Variants in AFAP1L1 observed in about 807,000 individuals in gnomAD.
The protein encoded by AFAP1L1 is actin filament associated protein 1 like 1.
AFAP1L1 carries 77 observed loss-of-function variants against 99.8 expected under a neutral mutation model. The observed-to-expected ratio is 0.77, with a 90% CI of 0.64 to 0.93. The LOEUF (loss-of-function observed/expected upper bound fraction) is 0.93. Ranked by LOEUF, AFAP1L1 falls within the 40% of genes least tolerant of loss-of-function variation. The pLI is 0.00. For missense variants in AFAP1L1, 893 were observed against 996.8 expected (o/e 0.90, Z 1.40); for synonymous variants, 373 against 395.3 (o/e 0.94, Z 0.67).
At chr5:149,307,710 C>T (rs2127596159) in intron 7 of AFAP1L1, 97 bp downstream of exon 7, 1 of 1,281,888 alleles carries the variant, frequency 7.8e-7, no homozygotes, top group Non-Finnish European at 1.1e-6. Context: ...TTGGGCATAC[C>T]TGGATTGACT....
chr5:149,272,050 G>A (rs1755128826), intron 1 of AFAP1L1, 66 bp downstream of exon 1: 5 of 1,224,688 alleles, frequency 4.1e-6, no homozygotes, highest in Non-Finnish European at 5.1e-6. Context: ...TGGACGATCT[G>A]AAGCCGGAGA....
At chr5:149,301,001 T>G in intron 3 of AFAP1L1, 132 bp from the exon 4 acceptor site, 3 of 665,106 alleles carry the variant, frequency 4.5e-6, no homozygotes, top group Middle Eastern at 5.2e-4. Flanking sequence ...GTCATTTGTT[T>G]AGGGTTACTA....
At chr5:149,296,276 C>T (rs1055777242) in intron 1 of AFAP1L1, among the ~76,000 whole-genome samples, 3 of 152,224 alleles carry the variant, frequency 2.0e-5, no homozygotes, top group African/African-American at 4.8e-5. Flanking sequence ...TCAAGTGATT[C>T]GCCCACCTCA....
chr5:149,339,558 C>T (rs568018771), intron 18 of AFAP1L1, among the ~76,000 whole-genome samples: 19 of 152,206 alleles, frequency 1.2e-4, no homozygotes, highest in African/African-American at 3.9e-4. Flanking sequence ...ATGAGATAGT[C>T]GTCTTCTTTT....
intron 5 of AFAP1L1, among the ~76,000 whole-genome samples, chr5:149,305,546 G>A (rs1317792343): frequency 6.6e-6 from 1 of 152,074 alleles, no homozygotes; most frequent in Non-Finnish European, 1.5e-5. Context: ...TACAGCCCAG[G>A]GGTCTGCATT....
At chr5:149,314,995 G>C (rs1353096018) in intron 9 of AFAP1L1, among the ~76,000 whole-genome samples, 2 of 152,308 alleles carry the variant, frequency 1.3e-5, no homozygotes, top group Non-Finnish European at 2.9e-5. Context: ...GAAGTGGGTG[G>C]AATTCAAGTG....
At chr5:149,337,909 C>A (rs1757450175) in intron 18 of AFAP1L1, among the ~76,000 whole-genome samples, 1 of 152,028 alleles carries the variant, frequency 6.6e-6, no homozygotes, top group Admixed American at 6.6e-5. Flanking sequence ...AGCTTTCCAG[C>A]AAGAGGGGAC....
At position 149,332,749 on chromosome 5, in the gene AFAP1L1, G is replaced by A. The variant is rs369805051; in HGVS notation, c.2030G>A (p.Arg677Gln). 103 of 1,613,764 alleles carry A rather than the reference G, an allele frequency of 6.4e-5. No individual in the cohort carries two copies. Among genetic ancestry groups the A allele is most frequent in the Middle Eastern group, 5.1e-4 (3 of 5,830 alleles). ...GTGGCCACCCTGGAAGCTCAGTGTC[G>A]GGCAAAGGAGGAGCGCCGGATTGAC... ...EAVATLEAQCRAKEERRIDLE... is the reference protein window; with the variant it reads ...EAVATLEAQCQAKEERRIDLE... Residue 677 changes from arginine to glutamine, a missense_variant, in exon 17 of 19, where the codon CGG becomes CAG. Coordinates refer to ENST00000296721, the MANE Select transcript of AFAP1L1 (RefSeq NM_152406.4).
chr5:149,322,951 A>G (rs1207524361), intron 15 of AFAP1L1, among the ~76,000 whole-genome samples: 1 of 152,090 alleles, frequency 6.6e-6, no homozygotes, highest in Non-Finnish European at 1.5e-5. Flanking sequence ...TACTGTAGGA[A>G]ACCGGTACCC....
intron 15 of AFAP1L1, among the ~76,000 whole-genome samples, chr5:149,325,338 C>T (rs1444811277): frequency 2.0e-5 from 3 of 152,180 alleles, no homozygotes; most frequent in Non-Finnish European, 4.4e-5. Context: ...CCCCAGCTGC[C>T]AGTCAAGGGC....
intron 6 of AFAP1L1, 85 bp downstream of exon 6, chr5:149,306,489 G>A (rs1756418998): frequency 1.6e-6 from 2 of 1,252,758 alleles, no homozygotes; most frequent in Non-Finnish European, 2.2e-6. Context: ...TAGCATGGGT[G>A]TGCCCACCAG....
At position 149,306,421 on chromosome 5, in the gene AFAP1L1, C is replaced by T. The variant is rs774464815; in HGVS notation, c.535+17C>T. 59 of 1,596,274 alleles carry T rather than the reference C, an allele frequency of 3.7e-5. No individual in the cohort carries two copies. Among genetic ancestry groups the T allele is most frequent in the South Asian group, 9.0e-5 (8 of 88,896 alleles). ...AGAGCTCCTGTAAGTACCAGGTGGG[C>T]GTCCAGATGCTGGGCAGGGCTTCTG... On this transcript the variant is annotated intron_variant, in intron 6 of 18. Coordinates refer to ENST00000296721, the MANE Select transcript of AFAP1L1 (RefSeq NM_152406.4).
intron 1 of AFAP1L1, among the ~76,000 whole-genome samples, chr5:149,275,882 C>G (rs1048932055): frequency 1.3e-5 from 2 of 152,184 alleles, no homozygotes; most frequent in Non-Finnish European, 2.9e-5. Context: ...CCTTAATTAC[C>G]TCCATAAAGA....
chr5:149,308,472 T>C (rs997381732), intron 7 of AFAP1L1, among the ~76,000 whole-genome samples: 23 of 152,186 alleles, frequency 1.5e-4, no homozygotes, highest in African/African-American at 5.5e-4. Context: ...TTAAGAAGGA[T>C]TTTTTTATAT....
intron 3 of AFAP1L1, 98 bp downstream of exon 3, chr5:149,300,452 G>A (rs759067839): frequency 1.0e-4 from 110 of 1,049,154 alleles, no homozygotes; most frequent in South Asian, 1.8e-4. Flanking sequence ...CTCTAACATC[G>A]CATCATTAAG....
chr5:149,334,200 C>A (rs1048306352), intron 17 of AFAP1L1, among the ~76,000 whole-genome samples: 5 of 152,152 alleles, frequency 3.3e-5, no homozygotes, highest in African/African-American at 1.2e-4. Flanking sequence ...ATTTCCTGGT[C>A]ACACCACACC....
chr5:149,305,020 A>T (rs1344323358), intron 5 of AFAP1L1, among the ~76,000 whole-genome samples: 1 of 152,216 alleles, frequency 6.6e-6, no homozygotes, highest in Admixed American at 6.5e-5. Flanking sequence ...AGGCTCTGTC[A>T]CCAGCAAACT....
chr5:149,294,174 TC>T (rs1755950296), intron 1 of AFAP1L1, among the ~76,000 whole-genome samples: 1 of 152,198 alleles, frequency 6.6e-6, no homozygotes, highest in Non-Finnish European at 1.5e-5. Context: ...CCCATCAGAA[TC>T]ACTTGGAGTA....
At chr5:149,311,717 G>C (rs1756635708) in intron 8 of AFAP1L1, among the ~76,000 whole-genome samples, 1 of 152,212 alleles carries the variant, frequency 6.6e-6, no homozygotes, top group African/African-American at 2.4e-5. Context: ...CCTCATGCTT[G>C]TGAGGCTTTA....
Sources: allele counts gnomAD v4.1 joint callset (sites outside exome capture counted in the v4.1 genomes callset), GRCh38; gene constraint gnomAD v4.1.1; transcripts MANE v1.5; gene names NCBI Gene and HGNC (gene_info 2026-07-23, HGNC 2026-07-21).